Variants in RARB observed in about 807,000 individuals in gnomAD.
RARB encodes retinoic acid receptor beta, also known as HBV-activated protein.
Under a neutral mutation model 51.9 loss-of-function variants are expected in RARB, and 17 were observed. The observed-to-expected ratio is 0.33, with a 90% CI of 0.22 to 0.49. The LOEUF is 0.49. RARB is among the 20% of genes least tolerant of loss of function. The probability of loss-of-function intolerance (pLI) is 0.99; values close to 1 mark genes in which losing one functional copy is unlikely to be tolerated. For synonymous variants in RARB, 215 were observed against 195.4 expected (o/e 1.10, Z -0.84); for missense variants, 369 against 550.8 (o/e 0.67, Z 3.30).
At chr3:24,888,288 T>TTA (rs1435813190) in intron 2 of RARB, among the ~76,000 whole-genome samples, 2 of 152,172 alleles carry the variant, frequency 1.3e-5, no homozygotes, top group African/African-American at 4.8e-5. Flanking sequence ...AGCAAATGTT[T>TTA]TATATATATT....
At chr3:25,439,893 G>A (rs560113909) in intron 1 of RARB, among the ~76,000 whole-genome samples, 19 of 152,134 alleles carry the variant, frequency 1.2e-4, no homozygotes, top group Admixed American at 5.2e-4. Flanking sequence ...TCTGTAAGAC[G>A]CTAACATGTG....
chr3:25,374,728 C>G (rs1366250547), intron 5 of RARB, among the ~76,000 whole-genome samples: 1 of 152,046 alleles, frequency 6.6e-6, no homozygotes, highest in African/African-American at 2.4e-5. Flanking sequence ...CAAATGGAAG[C>G]CATCCTCCAT....
chr3:25,412,166 C>T (rs1271215306), intron 5 of RARB, among the ~76,000 whole-genome samples: 1 of 152,192 alleles, frequency 6.6e-6, no homozygotes, highest in Non-Finnish European at 1.5e-5. Flanking sequence ...GGGGACTGGA[C>T]AGCAGACAAT....
intron 5 of RARB, among the ~76,000 whole-genome samples, chr3:25,346,650 C>T (rs1705404131): frequency 1.3e-5 from 2 of 152,156 alleles, no homozygotes; most frequent in Non-Finnish European, 1.5e-5. Flanking sequence ...ACCAATTAAT[C>T]AGGAAGCTCG....
intron 2 of RARB, among the ~76,000 whole-genome samples, chr3:24,914,796 C>T (rs180986676): frequency 5.9e-5 from 9 of 152,214 alleles, no homozygotes; most frequent in African/African-American, 1.7e-4. Context: ...ATGTGGAACT[C>T]GAGATACAGA....
chr3:25,445,241 C>T (rs568132543), intron 1 of RARB, among the ~76,000 whole-genome samples: 2 of 152,306 alleles, frequency 1.3e-5, no homozygotes, highest in South Asian at 2.1e-4. Flanking sequence ...TGTGCCACCC[C>T]GCCCAGCCAA....
intron 3 of RARB, among the ~76,000 whole-genome samples, chr3:25,069,093 A>G (rs181822299): frequency 6.6e-6 from 1 of 152,120 alleles, no homozygotes; most frequent in Non-Finnish European, 1.5e-5. Context: ...AAGAGGTAAG[A>G]GCAGTTGTCA....
chr3:25,558,122 A>G (rs1700132752), intron 3 of RARB, among the ~76,000 whole-genome samples: 2 of 152,206 alleles, frequency 1.3e-5, no homozygotes, highest in Admixed American at 6.5e-5. Context: ...AAACATGGGT[A>G]GTTTCACTGA....
chr3:25,100,982 G>C (rs1052286787), intron 3 of RARB, among the ~76,000 whole-genome samples: 2 of 152,186 alleles, frequency 1.3e-5, no homozygotes, highest in Admixed American at 6.5e-5. Flanking sequence ...TCATGGATTA[G>C]AAAGGCTAAA....
intron 3 of RARB, among the ~76,000 whole-genome samples, chr3:25,128,909 A>C (rs558933714): frequency 8.0e-4 from 122 of 152,284 alleles, no homozygotes; most frequent in African/African-American, 2.8e-3. Flanking sequence ...AGAGAGGATT[A>C]GTTAACTGGA....
intron 5 of RARB, among the ~76,000 whole-genome samples, chr3:25,266,055 C>T (rs143925648): frequency 1.1e-4 from 16 of 152,298 alleles, no homozygotes; most frequent in African/African-American, 3.1e-4. Flanking sequence ...CTCTTGTAAT[C>T]ACATTGGGTC....
chr3:24,860,056 T>C (rs1026005444), intron 2 of RARB, among the ~76,000 whole-genome samples: 2 of 152,214 alleles, frequency 1.3e-5, no homozygotes, highest in Non-Finnish European at 2.9e-5. Flanking sequence ...TCAAGTTCTG[T>C]GAACCTCCAC....
At chr3:25,193,588 T>A (rs556018224) in intron 5 of RARB, among the ~76,000 whole-genome samples, 1 of 152,182 alleles carries the variant, frequency 6.6e-6, no homozygotes, top group African/African-American at 2.4e-5. Flanking sequence ...GTAGAAATTA[T>A]CAAATTTTAT....
chr3:24,839,902 A>G (rs1702397925), intron 1 of RARB, among the ~76,000 whole-genome samples: 1 of 152,128 alleles, frequency 6.6e-6, no homozygotes, highest in South Asian at 2.1e-4. Context: ...TATCCTACAA[A>G]TCGAGTTTAA....
chr3:25,520,917 A>G (rs1698374457), intron 3 of RARB, among the ~76,000 whole-genome samples: 1 of 152,240 alleles, frequency 6.6e-6, no homozygotes, highest in Admixed American at 6.5e-5. Flanking sequence ...AAGCAAGAAC[A>G]GTAACTGCCT....
At chr3:25,451,913 C>G (rs1020062237) in intron 1 of RARB, among the ~76,000 whole-genome samples, 2 of 152,090 alleles carry the variant, frequency 1.3e-5, no homozygotes, top group African/African-American at 4.8e-5. Context: ...GTGATAGTTC[C>G]TTTTGTAAAT....
intron 2 of RARB, among the ~76,000 whole-genome samples, chr3:24,929,481 G>A (rs983516489): frequency 6.6e-6 from 1 of 152,100 alleles, no homozygotes; most frequent in Non-Finnish European, 1.5e-5. Context: ...TATCACTTAT[G>A]AAAGAGCAAA....
intron 3 of RARB, among the ~76,000 whole-genome samples, chr3:25,507,328 C>A (rs779302277): frequency 1.3e-5 from 2 of 152,162 alleles, no homozygotes; most frequent in Non-Finnish European, 2.9e-5. Flanking sequence ...GAAAAGTTGT[C>A]AGAGGCAAAA....
At chr3:25,335,606 C>T (rs1316314217) in intron 5 of RARB, among the ~76,000 whole-genome samples, 3 of 152,204 alleles carry the variant, frequency 2.0e-5, no homozygotes, top group Non-Finnish European at 4.4e-5. Flanking sequence ...CTGCTAACAG[C>T]ATTCACCCCA....
Sources: gnomAD v4.1 joint callset for allele counts (sites outside exome capture counted in the v4.1 genomes callset) on GRCh38, gnomAD v4.1.1 for gene constraint, MANE v1.5 for transcripts, NCBI Gene and HGNC (gene_info 2026-07-23, HGNC 2026-07-21) for gene names.